Variants in POLA2 observed in about 807,000 individuals in gnomAD.
The protein encoded by POLA2 is DNA polymerase alpha subunit B.
POLA2 carries 47 observed loss-of-function variants against 82.8 expected under a neutral mutation model. The observed-to-expected ratio is 0.57, with a 90% CI of 0.45 to 0.72. The LOEUF is 0.72. Among genes scored for constraint, POLA2 ranks in the 30% least tolerant of loss-of-function variants. POLA2 has a pLI of 0.00. For missense variants in POLA2, 634 were observed against 728.1 expected (o/e 0.87, Z 1.49); for synonymous variants, 287 against 286.8 (o/e 1.00, Z -0.01).
At chr11:65,294,404 C>G in intron 14 of POLA2, 142 bp from the exon 15 acceptor site, 1 of 966,016 alleles carries the variant, frequency 1.0e-6, no homozygotes, top group Non-Finnish European at 1.6e-6. Context: ...TTTAAACAGG[C>G]AAATGTGTCC....
In POLA2 at chr11:65,262,053, C is replaced by T; in HGVS notation, c.-240C>T. On this transcript the variant is annotated 5_prime_UTR_variant, in exon 1 of 18. Coordinates refer to ENST00000265465, the MANE Select transcript of POLA2 (RefSeq NM_002689.4). ...AGCGTCCTCTCGAGATTTCTGCTCC[C>T]TCCATTCAGGGCGTTTGGGAGCCAC... is the stretch of plus-strand genomic sequence containing the variant. 1 of 559,044 alleles carries T rather than the reference C, an allele frequency of 1.8e-6. No homozygotes were observed. The highest frequency in any genetic ancestry group is 3.2e-6 in the Non-Finnish European group (1 of 315,628). 34.6% of individuals were successfully genotyped at this position (559,044 alleles called of 1,614,324 possible).
chr11:65,294,889 C>A, intron 15 of POLA2: 1 of 390,102 alleles, frequency 2.6e-6, no homozygotes, highest in Non-Finnish European at 4.6e-6. Flanking sequence ...AGAACCACGT[C>A]CATTCTGTCT....
intron 13 of POLA2, among the ~76,000 whole-genome samples, chr11:65,293,076 A>G (rs1276951584): frequency 6.6e-6 from 1 of 152,216 alleles, no homozygotes; most frequent in African/African-American, 2.4e-5. Context: ...CAAAGGAAAC[A>G]TCTGCTGTCA....
At chr11:65,276,268 T>C (rs1949578676) in intron 5 of POLA2, among the ~76,000 whole-genome samples, 1 of 152,226 alleles carries the variant, frequency 6.6e-6, no homozygotes, top group Admixed American at 6.5e-5. Context: ...ATATCTTGTA[T>C]TGAAAACAAC....
intron 8 of POLA2, among the ~76,000 whole-genome samples, chr11:65,304,258 C>T (rs563715854): frequency 4.0e-5 from 6 of 151,456 alleles, no homozygotes; most frequent in South Asian, 4.2e-4. Context: ...TATCCATCCA[C>T]GTAACCATCC....
chr11:65,281,191 C>G, intron 8 of POLA2, 44 bp downstream of exon 8: 1 of 1,592,080 alleles, frequency 6.3e-7, no homozygotes, highest in Non-Finnish European at 8.6e-7. Context: ...GCACTCTTTA[C>G]CCCTGTAGTG....
chr11:65,305,275 C>T (rs1170962162), intron 8 of POLA2: 2 of 431,212 alleles, frequency 4.6e-6, no homozygotes, highest in South Asian at 3.3e-5. Context: ...CAAAAAGAAA[C>T]ACATGTGGCT....
intron 10 of POLA2, among the ~76,000 whole-genome samples, chr11:65,283,116 G>A (rs1949658621): frequency 6.6e-6 from 1 of 152,146 alleles, no homozygotes; most frequent in Non-Finnish European, 1.5e-5. Flanking sequence ...GTGTGACAGA[G>A]CGAGACTCTG....
At chr11:65,279,203 C>CTT (rs1949614150) in intron 6 of POLA2, among the ~76,000 whole-genome samples, 1 of 152,124 alleles carries the variant, frequency 6.6e-6, no homozygotes, top group Non-Finnish European at 1.5e-5. Flanking sequence ...TTCATGGTTC[C>CTT]TTCGTTAGAA....
intron 15 of POLA2, among the ~76,000 whole-genome samples, chr11:65,295,252 T>G (rs1334836264): frequency 1.3e-5 from 2 of 152,208 alleles, no homozygotes; most frequent in South Asian, 2.1e-4. Context: ...GGTGCCAACT[T>G]TGCATCCTCT....
chr11:65,266,641 G>A lies in POLA2; in HGVS notation c.139G>A (p.Ala47Thr). 1 of 1,614,034 alleles carries A rather than the reference G, an allele frequency of 6.2e-7. No individual in the cohort carries two copies. Reference sequence around the variant, plus strand: ...GGAGGGAATGGTAGGCGAGCTTATAGCCTTCTGCACCAGCACACATAAAGT... The same window carrying A: ...GGAGGGAATGGTAGGCGAGCTTATAACCTTCTGCACCAGCACACATAAAGT... The part of the protein sequence containing the change: ...NEEGMVGELI[A>T]FCTSTHKVGL... The change falls in exon 2 of 18, where the codon GCC (alanine) becomes ACC (threonine). Residue 47 changes from alanine (A) to threonine (T), a missense_variant. Transcript: ENST00000265465.
At chr11:65,270,317 C>CT (rs1949509195) in intron 4 of POLA2, among the ~76,000 whole-genome samples, 1 of 152,310 alleles carries the variant, frequency 6.6e-6, no homozygotes, top group South Asian at 2.1e-4. Context: ...GATCATGCCG[C>CT]TGCTCTACAG....
chr11:65,303,747 C>G (rs1949871044), intron 8 of POLA2, among the ~76,000 whole-genome samples: 3 of 152,158 alleles, frequency 2.0e-5, no homozygotes. Context: ...CAAAGAAACT[C>G]CTGCAGAAGC....
chr11:65,273,675 A>T (rs1035326855), intron 4 of POLA2, among the ~76,000 whole-genome samples: 3 of 152,102 alleles, frequency 2.0e-5, no homozygotes, highest in Admixed American at 2.0e-4. Context: ...TATAAAAAAA[A>T]TAAAGGCAGG....
intron 4 of POLA2, among the ~76,000 whole-genome samples, chr11:65,274,028 T>A (rs147364099): frequency 1.1e-3 from 173 of 152,286 alleles, no homozygotes; most frequent in African/African-American, 4.0e-3. Context: ...AATAGAGAAG[T>A]AATTATGTAA....
At chr11:65,272,654 G>A (rs1949533656) in intron 4 of POLA2, among the ~76,000 whole-genome samples, 1 of 152,206 alleles carries the variant, frequency 6.6e-6, no homozygotes, top group African/African-American at 2.4e-5. Flanking sequence ...CTCTGTGAGT[G>A]TGAGAATGTG....
intron 7 of POLA2, chr11:65,280,723 A>C (rs535461996): frequency 2.3e-6 from 1 of 425,532 alleles, no homozygotes; most frequent in Non-Finnish European, 4.3e-6. Context: ...ATCCAGGGGC[A>C]AGTTCCCCTA....
intron 10 of POLA2, among the ~76,000 whole-genome samples, chr11:65,286,087 G>T (rs1318023556): frequency 6.6e-6 from 1 of 152,172 alleles, no homozygotes; most frequent in Non-Finnish European, 1.5e-5. Context: ...ATCCAGGTGG[G>T]TCCACTATAA....
intron 4 of POLA2, among the ~76,000 whole-genome samples, chr11:65,274,016 G>C (rs917060327): frequency 7.9e-5 from 12 of 152,050 alleles, no homozygotes; most frequent in African/African-American, 2.9e-4. Flanking sequence ...CCATAATCCA[G>C]CAATAGAGAA....
Sources: allele counts gnomAD v4.1 joint callset (sites outside exome capture counted in the v4.1 genomes callset), GRCh38; gene constraint gnomAD v4.1.1; transcripts MANE v1.5; gene names NCBI Gene and HGNC (gene_info 2026-07-23, HGNC 2026-07-21).